ZDHHC22: variants seen among roughly 807,000 people sequenced by gnomAD.
ZDHHC22 encodes the protein zDHHC palmitoyltransferase 22, also known as palmitoyltransferase ZDHHC22.
A neutral mutation model predicts 17.0 loss-of-function variants in ZDHHC22; 13 were observed. The ratio of observed to expected loss-of-function variants is 0.76; its 90% CI spans 0.50 to 1.21. The LOEUF (loss-of-function observed/expected upper bound fraction) is 1.21, where lower values mean the gene tolerates loss of function less well. Among genes scored for constraint, ZDHHC22 ranks in the 50% most tolerant of loss-of-function variants. The pLI is 0.00. For missense variants in ZDHHC22, 319 were observed against 342.3 expected, an observed-to-expected ratio of 0.93 and a Z score of 0.54; for synonymous variants, 138 against 154.7, an observed-to-expected ratio of 0.89 and a Z score of 0.80.
Position 77,139,310 on chromosome 14 carries a change from G to A in ZDHHC22, c.429C>T (p.Ala143=), listed in dbSNP as rs1264458072. 24 of 1,600,252 alleles carry A rather than the reference G, an allele frequency of 1.5e-5. No individual in the cohort carries two copies. The highest frequency in any genetic ancestry group is 2.0e-5 in the Non-Finnish European group (23 of 1,173,626). The change falls in exon 2 of 3, where the codon GCC becomes GCT. Residue 143 remains alanine, a synonymous_variant. Coordinates refer to ENST00000319374, the MANE Select transcript of ZDHHC22 (RefSeq NM_174976.2). ...GGACAGCGGAGATGTAGGCCACGCCGGCCACCATGGAGTAGAGGCAGGCCA... is the reference window on the plus strand; with the variant it reads ...GGACAGCGGAGATGTAGGCCACGCCAGCCACCATGGAGTAGAGGCAGGCCA... The part of the protein sequence containing the change: ...TSLACLYSMV[A]GVAYISAVLS...
chr14:77,133,975 C>G, intron 2 of ZDHHC22, 27 bp from the exon 3 acceptor site: 1 of 1,532,742 alleles, frequency 6.5e-7, no homozygotes, highest in Non-Finnish European at 8.8e-7. Context: ...GGGGAAACAC[C>G]AGAGCCGCTT....
At chr14:77,135,112 G>A (rs1430655026) in intron 2 of ZDHHC22, among the ~76,000 whole-genome samples, 1 of 151,728 alleles carries the variant, frequency 6.6e-6, no homozygotes, top group Non-Finnish European at 1.5e-5. Flanking sequence ...AGCAGCCAGG[G>A]CACTGGACCC....
chr14:77,138,835 G>C (rs1887186650), intron 2 of ZDHHC22, among the ~76,000 whole-genome samples: 1 of 152,218 alleles, frequency 6.6e-6, no homozygotes, highest in African/African-American at 2.4e-5. Flanking sequence ...CTACATGGAG[G>C]AATGGCCAGC....
chr14:77,133,581 G>A lies in ZDHHC22; in HGVS notation c.*102C>T, dbSNP rs772416161. 1.4e-4 allele frequency: 206 copies of A among 1,471,092 alleles called. No individual in the cohort carries two copies. Among genetic ancestry groups the A allele is most frequent in the Non-Finnish European group, 1.7e-4 (191 of 1,093,512 alleles). 91.1% of individuals were successfully genotyped at this position (1,471,092 alleles called of 1,614,324 possible). ...AGGGGAAGATGCTAGGACCTTACCA[G>A]CACAAGGTTGTAGTGAGTCATGGGT... On this transcript the variant is annotated 3_prime_UTR_variant, in exon 3 of 3. Coordinates refer to ENST00000319374, the MANE Select transcript of ZDHHC22 (RefSeq NM_174976.2).
At chr14:77,139,082 A>T in intron 2 of ZDHHC22, 131 bp downstream of exon 2, 2 of 1,038,208 alleles carry the variant, frequency 1.9e-6, no homozygotes, top group Non-Finnish European at 2.8e-6. Context: ...CTGAAATTTT[A>T]ATTTAGCGGG....
chr14:77,131,718 C>T lies in ZDHHC22; in HGVS notation c.*1965G>A, dbSNP rs1887029932. 1 of 152,206 alleles carries T rather than the reference C, an allele frequency of 6.6e-6. No individual in the cohort carries two copies. The highest frequency in any genetic ancestry group is 6.5e-5 in the Admixed American group (1 of 15,282). 9.4% of individuals were successfully genotyped at this position (152,206 alleles called of 1,614,324 possible). On this transcript the variant is annotated 3_prime_UTR_variant, in exon 3 of 3. Coordinates refer to ENST00000319374, the MANE Select transcript of ZDHHC22 (RefSeq NM_174976.2). ...ACCAACCACCAAGATGGCAGAGTGA[C>T]CATTTTGCAGGGAGTGTGAATCAGT...
rs1449888143 is a variant in ZDHHC22, at chr14:77,133,894, G to A, written c.581C>T (p.Ala194Val). ...FVILMLYLWF[A>V]IGLACAGFCC... ...GAAGCCGGCGCAGGCCAGGCCGATGGCGAACCAGAGGTAGAGCATGAGGAT... is the reference window on the plus strand; with the variant it reads ...GAAGCCGGCGCAGGCCAGGCCGATGACGAACCAGAGGTAGAGCATGAGGAT... Residue 194 changes from alanine (A) to valine (V), a missense_variant, in exon 3 of 3, where the codon GCC (alanine) becomes GTC (valine). Coordinates refer to ENST00000319374, the MANE Select transcript of ZDHHC22 (RefSeq NM_174976.2). 2.5e-6 allele frequency: 4 copies of A among 1,612,346 alleles called. No homozygotes were observed. Among genetic ancestry groups the A allele is most frequent in the Non-Finnish European group, 3.4e-6 (4 of 1,179,074 alleles).
rs1489769351 is a variant in ZDHHC22, at chr14:77,131,397, C to T, written c.*2286G>A. 6.6e-6 allele frequency: 1 copy of T among 152,294 alleles called. No homozygotes were observed. The highest frequency in any genetic ancestry group is 2.4e-5 in the African/African-American group (1 of 41,448). The allele number at this position is 152,294 out of a possible 1,614,324, so 9.4% of individuals were successfully genotyped here. On this transcript the variant is annotated 3_prime_UTR_variant, in exon 3 of 3. Coordinates refer to ENST00000319374, the MANE Select transcript of ZDHHC22 (RefSeq NM_174976.2). ...CATCCCCCATTGACCAGTCTGCAAG[C>T]AGCCAACATCCTGTAGGTCTCCCTG...
rs1566810871 is a variant in ZDHHC22 at position 77,133,623 on chromosome 14, T to C, written c.*60A>G. ...GTCATGGGTGGAGACAAGGCTGCCA[T>C]GGTTTTATGCTCAGGAGGAGTCAAG... is the stretch of plus-strand genomic sequence containing the variant. On this transcript the variant is annotated 3_prime_UTR_variant, in exon 3 of 3. Coordinates refer to ENST00000319374, the MANE Select transcript of ZDHHC22 (RefSeq NM_174976.2). The C allele has an allele frequency of 1.3e-6, 2 of 1,560,564 alleles. No homozygotes were observed. Among genetic ancestry groups the C allele is most frequent in the Admixed American group, 3.6e-5 (2 of 54,906 alleles).
At chr14:77,139,173 C>T in intron 2 of ZDHHC22, 40 bp downstream of exon 2, 1 of 1,533,082 alleles carries the variant, frequency 6.5e-7, no homozygotes, top group Non-Finnish European at 8.8e-7. Context: ...GGTGGGAGGT[C>T]TTTGTGTAGA....
chr14:77,139,171 G>T, intron 2 of ZDHHC22, 42 bp downstream of exon 2: 1 of 1,530,320 alleles, frequency 6.5e-7, no homozygotes, highest in Non-Finnish European at 8.8e-7. Context: ...GGGGTGGGAG[G>T]TCTTTGTGTA....
At position 77,139,583 on chromosome 14, in the gene ZDHHC22, C is replaced by A; in HGVS notation, c.156G>T (p.Ala52=). The A allele has an allele frequency of 6.3e-7, 1 of 1,595,732 alleles. No individual in the cohort carries two copies. The highest frequency in any genetic ancestry group is 1.1e-5 in the South Asian group (1 of 88,494). Reference sequence around the variant, plus strand: ...CGTTGGCCGAGAGGAATAGGAAGAGCGCCCCGTGGAGCAGGGCGGGCGAGA... The same window carrying A: ...CGTTGGCCGAGAGGAATAGGAAGAGAGCCCCGTGGAGCAGGGCGGGCGAGA... ...RLFSPALLHG[A]LFLFLSANAL... The change falls in exon 2 of 3, where the codon GCG becomes GCT. Residue 52 remains alanine, a synonymous_variant. Coordinates refer to ENST00000319374, the MANE Select transcript of ZDHHC22 (RefSeq NM_174976.2).
chr14:77,138,080 C>A (rs543408868), intron 2 of ZDHHC22, among the ~76,000 whole-genome samples: 20 of 152,236 alleles, frequency 1.3e-4, no homozygotes, highest in African/African-American at 4.8e-4. Flanking sequence ...CACTCAAGCA[C>A]GTAGACACTA....
chr14:77,139,829 C>A (rs1887216883), intron 1 of ZDHHC22, 77 bp from the exon 2 acceptor site: 2 of 1,401,230 alleles, frequency 1.4e-6, no homozygotes, highest in Non-Finnish European at 9.4e-7. Flanking sequence ...CTCCGTGCCG[C>A]GCGTCTGGGG....
intron 2 of ZDHHC22, among the ~76,000 whole-genome samples, chr14:77,138,281 G>A (rs1887176733): frequency 6.6e-6 from 1 of 151,872 alleles, no homozygotes. Context: ...CCTCAGCCAG[G>A]CGCAGTGGCT....
chr14:77,139,724 C>T lies in ZDHHC22; in HGVS notation c.15G>A (p.Arg5=). ...AGGCGGGGGCCACCACGTTGAGCAG[C>T]CGCAGGGCCAGCATCCTCGATTACA... MLAL[R]LLNVVAPAYF... The change falls in exon 2 of 3, where the codon CGG becomes CGA. Residue 5 remains arginine (R), a synonymous_variant. Coordinates refer to ENST00000319374, the MANE Select transcript of ZDHHC22 (RefSeq NM_174976.2). 1 of 1,509,250 alleles carries T rather than the reference C, an allele frequency of 6.6e-7. No individual in the cohort carries two copies. The highest frequency in any genetic ancestry group is 8.9e-7 in the Non-Finnish European group (1 of 1,129,044). 93.5% of individuals were successfully genotyped at this position (1,509,250 alleles called of 1,614,324 possible).
chr14:77,139,360 C>T lies in ZDHHC22; in HGVS notation c.379G>A (p.Val127Ile), dbSNP rs1336186284. The T allele has an allele frequency of 8.1e-6, 13 of 1,601,456 alleles. No individual in the cohort carries two copies. Among genetic ancestry groups the T allele is most frequent in the African/African-American group, 1.3e-5 (1 of 74,726 alleles). The change falls in exon 2 of 3, where the codon GTC becomes ATC. Residue 127 changes from valine to isoleucine, a missense_variant. By Grantham distance (29) the Val-to-Ile change is conservative (BLOSUM62 3). Transcript: ENST00000319374. ...CIGSRNMRNF[V>I]LFCLYTSLAC... The stretch of plus-strand genomic sequence containing the variant: ...AGGGAGGTGTAGAGGCAGAACAGGA[C>T]GAAGTTGCGCATGTTCCTGCTGCCG...
chr14:77,139,466 T>G lies in ZDHHC22; in HGVS notation c.273A>C (p.Ser91=), dbSNP rs1473980858. The change falls in exon 2 of 3, where the codon TCA becomes TCC. Residue 91 remains serine (S), a synonymous_variant. Coordinates refer to ENST00000319374, the MANE Select transcript of ZDHHC22 (RefSeq NM_174976.2). ...GASARKTPCP[S]PSTHFCRVCA... is the part of the protein sequence containing the mutation. ...ACACTCGGCAGAAGTGGGTGCTAGG[T>G]GAGGGGCATGGAGTCTTCCTGGCCG... is the stretch of plus-strand genomic sequence containing the variant. 2 of 1,612,854 alleles carry G rather than the reference T, an allele frequency of 1.2e-6. No homozygotes were observed. Among genetic ancestry groups the G allele is most frequent in the East Asian group, 4.5e-5 (2 of 44,840 alleles).
Position 77,139,558 on chromosome 14 carries a change from C to T in ZDHHC22, c.181G>A (p.Ala61Thr), listed in dbSNP as rs774331150. ...GALFLFLSANALGNYVLVIQN... is the reference protein window; with the variant it reads ...GALFLFLSANTLGNYVLVIQN... ...ATGACAAGGACGTAATTGCCCAGGGCGTTGGCCGAGAGGAATAGGAAGAGC... is the reference window on the plus strand; with the variant it reads ...ATGACAAGGACGTAATTGCCCAGGGTGTTGGCCGAGAGGAATAGGAAGAGC... The change falls in exon 2 of 3, where the codon GCC (alanine) becomes ACC (threonine). Residue 61 changes from alanine to threonine, a missense_variant. By Grantham distance (58) the Ala-to-Thr change is moderately conservative. Transcript: ENST00000319374. The T allele has an allele frequency of 3.1e-6, 5 of 1,603,792 alleles. No individual in the cohort carries two copies. In the African/African-American group the frequency reaches 6.7e-5, roughly 21 times the overall value.
Sources: allele counts gnomAD v4.1 joint callset (sites outside exome capture counted in the v4.1 genomes callset), GRCh38; gene constraint gnomAD v4.1.1; transcripts MANE v1.5; gene names NCBI Gene and HGNC (gene_info 2026-07-23, HGNC 2026-07-21).